Variants in SGTA observed in about 807,000 individuals in gnomAD.
The protein encoded by SGTA is small glutamine-rich tetratricopeptide repeat-containing protein alpha.
In SGTA, 22 loss-of-function variants were observed where a neutral mutation model predicts 44.3. That is an observed-to-expected ratio of 0.50 (90% CI 0.36 to 0.71). The LOEUF (loss-of-function observed/expected upper bound fraction) is 0.71, where lower values mean the gene tolerates loss of function less well. Ranked by LOEUF, SGTA falls within the 30% of genes least tolerant of loss-of-function variation. The pLI is 0.00. For missense variants in SGTA, 341 were observed against 435.9 expected, an observed-to-expected ratio of 0.78 and a Z score of 1.94; for synonymous variants, 174 against 177.6, an observed-to-expected ratio of 0.98 and a Z score of 0.16.
Position 2,757,313 on chromosome 19 carries a change from C to A in SGTA, c.*6+24G>T, listed in dbSNP as rs781558645. On this transcript the variant is annotated intron_variant, in intron 11 of 11. Coordinates refer to ENST00000221566, the MANE Select transcript of SGTA (RefSeq NM_003021.4). ...GGTGTCACTCCTGCTGGCCACCCCC[C>A]AGCCCCCGGCCCCATGCACTCACGC... The A allele has an allele frequency of 5.0e-6, 8 of 1,597,074 alleles. No homozygotes were observed. In the Admixed American group the frequency reaches 6.7e-5, roughly 13 times the overall value.
rs71339135 is a variant in SGTA, at chr19:2,772,957, A to T, written c.-23-3866T>A. ...GGTGACGCGGCCACACGGCAGGGAC[A>T]CCGAGGGCAGAGGTGGGTGACGCAG... On this transcript the variant is annotated intron_variant, in intron 1 of 11. Transcript: ENST00000221566. Among the ~76,000 whole-genome samples, 29 of 49,938 alleles carry T rather than the reference A, an allele frequency of 5.8e-4. 4 individuals carry two copies. The highest frequency in any genetic ancestry group is 3.2e-3 in the African/African-American group (15 of 4,708). The allele number at this position is 49,938 out of a possible 152,430, so 32.8% of individuals were successfully genotyped here.
chr19:2,765,550 C>T lies in SGTA; in HGVS notation c.293-265G>A, dbSNP rs1042920040. Among the ~76,000 whole-genome samples the T allele has an allele frequency of 3.3e-5, 5 of 152,098 alleles. No homozygotes were observed. Among genetic ancestry groups the T allele is most frequent in the African/African-American group, 9.7e-5 (4 of 41,416 alleles). On this transcript the variant is annotated intron_variant, in intron 4 of 11. Coordinates refer to ENST00000221566, the MANE Select transcript of SGTA (RefSeq NM_003021.4). The surrounding 1 kb of genome is among the most constrained non-coding windows in gnomAD (Gnocchi z 5.5). Reference sequence around the variant, plus strand: ...AGGGCCTGGCCTGGCCTGTGCCTGGCGACGGTGGCTGTCACTGCCTGGATG... The same window carrying T: ...AGGGCCTGGCCTGGCCTGTGCCTGGTGACGGTGGCTGTCACTGCCTGGATG...
Position 2,763,276 on chromosome 19 carries a change from G to A in SGTA, c.497+377C>T, listed in dbSNP as rs1006030612. The stretch of plus-strand genomic sequence containing the variant: ...TGCACGGGGCGCAGGCTCCTGCCCC[G>A]GGGACCCTCCTGGCCTCACTCTCGG... On this transcript the variant is annotated intron_variant, in intron 6 of 11. Transcript: ENST00000221566. The surrounding 1 kb of genome is among the most constrained non-coding windows in gnomAD (Gnocchi z 5.8). Among the ~76,000 whole-genome samples, 1 of 152,202 alleles carries A rather than the reference G, an allele frequency of 6.6e-6. No homozygotes were observed. Among genetic ancestry groups the A allele is most frequent in the Non-Finnish European group, 1.5e-5 (1 of 68,026 alleles).
Position 2,757,738 on chromosome 19 carries a change from G to T in SGTA, c.782C>A (p.Pro261His). 2 of 1,604,442 alleles carry T rather than the reference G, an allele frequency of 1.2e-6. No homozygotes were observed. Among genetic ancestry groups the T allele is most frequent in the African/African-American group, 1.3e-5 (1 of 74,912 alleles). Residue 261 changes from proline (P) to histidine (H), a missense_variant, in exon 10 of 12, where the codon CCC (proline) becomes CAC (histidine). Coordinates refer to ENST00000221566, the MANE Select transcript of SGTA (RefSeq NM_003021.4). ...ISGGNNPLGT[P>H]GTSPSQNDLA... ...GTCGTTCTGCGAGGGGCTGGTGCCG[G>T]GAGTTCCCAAGGGGTTGTTGCCACC...
rs773946162 is a variant in SGTA at position 2,767,587 on chromosome 19, G to A, written c.200C>T (p.Thr67Met). Residue 67 changes from threonine to methionine, a missense_variant, in exon 3 of 12, where the codon ACG becomes ATG. Coordinates refer to ENST00000221566, the MANE Select transcript of SGTA (RefSeq NM_003021.4). This position sits in a 1 kb window ranked among gnomAD's most constrained non-coding sequence, Gnocchi z 7.3. ...TLPEIFEAAATGKEMPQDLRS... is the reference protein window; with the variant it reads ...TLPEIFEAAAMGKEMPQDLRS... ...GGAAGCATCGAGGCTCACCTTGCCC[G>A]TGGCAGCCGCTTCAAATATCTCCGG... 99 of 1,612,362 alleles carry A rather than the reference G, an allele frequency of 6.1e-5. No individual in the cohort carries two copies. The highest frequency in any genetic ancestry group is 7.7e-5 in the Non-Finnish European group (91 of 1,179,334).
intron 1 of SGTA, among the ~76,000 whole-genome samples, chr19:2,774,858 G>A (rs1332660339): frequency 1.3e-5 from 2 of 152,122 alleles, no homozygotes; most frequent in Non-Finnish European, 2.9e-5. Context: ...GTGTGCGCGC[G>A]CATGTGTGTG....
At chr19:2,780,176 C>T (rs1004161416) in intron 1 of SGTA, among the ~76,000 whole-genome samples, 3 of 152,134 alleles carry the variant, frequency 2.0e-5, no homozygotes, top group Non-Finnish European at 2.9e-5. Context: ...AGAACATCCT[C>T]GTAAACTGAG....
intron 9 of SGTA, among the ~76,000 whole-genome samples, chr19:2,758,516 CAA>C (rs11400903): frequency 5.9e-5 from 8 of 135,372 alleles, no homozygotes; most frequent in African/African-American, 2.7e-5. Context: ...GATTCTGTCT[CAA>C]AAAAAAAAAA....
chr19:2,776,363 G>A (rs1044110092), intron 1 of SGTA, among the ~76,000 whole-genome samples: 1 of 152,236 alleles, frequency 6.6e-6, no homozygotes, highest in African/African-American at 2.4e-5. Flanking sequence ...GGAACGCTAC[G>A]CAGCCATGAA....
At position 2,762,587 on chromosome 19, in the gene SGTA, A is replaced by T. The variant is rs2302491; in HGVS notation, c.555T>A (p.Ala185=). 13 of 1,613,816 alleles carry T rather than the reference A, an allele frequency of 8.1e-6. No individual in the cohort carries two copies. The highest frequency in any genetic ancestry group is 4.5e-5 in the East Asian group (2 of 44,858). Residue 185 remains alanine (A), a synonymous_variant, in exon 7 of 12, where the codon GCT becomes GCA. Transcript: ENST00000221566. The part of the protein sequence containing the change: ...HVEAVAYYKK[A]LELDPDNETY... Reference sequence around the variant, plus strand: ...TCTCGTTGTCGGGGTCCAGCTCCAGAGCCTTCTTGTAGTAAGCCACGGCCT... The same window carrying T: ...TCTCGTTGTCGGGGTCCAGCTCCAGTGCCTTCTTGTAGTAAGCCACGGCCT...
At position 2,767,039 on chromosome 19, in the gene SGTA, C is replaced by T; in HGVS notation, c.292+97G>A. The T allele has an allele frequency of 1.1e-6, 1 of 890,476 alleles. No individual in the cohort carries two copies. The highest frequency in any genetic ancestry group is 1.8e-6 in the Non-Finnish European group (1 of 544,852). 55.2% of individuals were successfully genotyped at this position (890,476 alleles called of 1,614,324 possible). ...GGTCATCAGGGCAATTCCCTCAGCT[C>T]CCTGGGCCCCAGGGACCAGCTGGCC... On this transcript the variant is annotated intron_variant, in intron 4 of 11. Transcript: ENST00000221566. This position sits in a 1 kb window ranked among gnomAD's most constrained non-coding sequence, Gnocchi z 7.3.
chr19:2,768,937 G>C (rs1353185167), intron 2 of SGTA, 32 bp downstream of exon 2: 6 of 1,523,698 alleles, frequency 3.9e-6, no homozygotes, highest in Non-Finnish European at 5.5e-6. Context: ...CCGCTGCCCG[G>C]GGAGAGGGGG....
Position 2,767,094 on chromosome 19 carries a change from A to G in SGTA, c.292+42T>C. The G allele has an allele frequency of 1.4e-6, 2 of 1,448,906 alleles. No homozygotes were observed. Among genetic ancestry groups the G allele is most frequent in the Non-Finnish European group, 1.9e-6 (2 of 1,042,950 alleles). 89.8% of individuals were successfully genotyped at this position (1,448,906 alleles called of 1,614,324 possible). The stretch of plus-strand genomic sequence containing the variant: ...CGAGGGTCCCACAGCCCCGGAGTCC[A>G]GGTAGGGCGAGGTGTCTGTGGGGAT... On this transcript the variant is annotated intron_variant, in intron 4 of 11. Coordinates refer to ENST00000221566, the MANE Select transcript of SGTA (RefSeq NM_003021.4). This position sits in a 1 kb window ranked among gnomAD's most constrained non-coding sequence, Gnocchi z 7.3.
rs1345300465 is a variant in SGTA, at chr19:2,763,212, C to T, written c.497+441G>A. ...CTCTGAGCAAGGGCATTCAGAGAAG[C>T]AGGCGAATGCACGCTTATGCTGGGA... On this transcript the variant is annotated intron_variant, in intron 6 of 11. Transcript: ENST00000221566. This position sits in a 1 kb window ranked among gnomAD's most constrained non-coding sequence, Gnocchi z 5.8. 1.3e-5 allele frequency among the ~76,000 whole-genome samples: 2 copies of T among 152,198 alleles called. No individual in the cohort carries two copies. The highest frequency in any genetic ancestry group is 2.9e-5 in the Non-Finnish European group (2 of 68,028).
At chr19:2,758,853 C>T (rs1010758164) in intron 9 of SGTA, among the ~76,000 whole-genome samples, 2 of 152,200 alleles carry the variant, frequency 1.3e-5, no homozygotes, top group African/African-American at 2.4e-5. Flanking sequence ...ACCTTGAGGA[C>T]GTCACGCTCA....
chr19:2,767,792 T>G lies in SGTA; in HGVS notation c.101-106A>C. The G allele has an allele frequency of 1.2e-6, 1 of 825,516 alleles. No individual in the cohort carries two copies. The highest frequency in any genetic ancestry group is 2.0e-6 in the Non-Finnish European group (1 of 488,806). 51.1% of individuals were successfully genotyped at this position (825,516 alleles called of 1,614,324 possible). A position where few individuals can be genotyped will look rare whatever the true frequency, so the allele number is the denominator to read the frequency against. On this transcript the variant is annotated intron_variant, in intron 2 of 11. Transcript: ENST00000221566. This position sits in a 1 kb window ranked among gnomAD's most constrained non-coding sequence, Gnocchi z 7.3. ...GCTCATGCTTCCCCAGGTGTGTTCA[T>G]TCCCAAGGACCCCAGAACGCAGGGG...
Position 2,755,956 on chromosome 19 carries a change from G to C in SGTA, c.*7-23C>G. On this transcript the variant is annotated intron_variant, in intron 11 of 11. Coordinates refer to ENST00000221566, the MANE Select transcript of SGTA (RefSeq NM_003021.4). The surrounding 1 kb of genome is among the most constrained non-coding windows in gnomAD (Gnocchi z 5.2). ...CAGCTGGAAGGGGACAGACATGAAG[G>C]CTGTCAGAGCGCAGGTGGGGACCAA... The C allele has an allele frequency of 1.0e-6, 1 of 984,958 alleles. No individual in the cohort carries two copies. Among genetic ancestry groups the C allele is most frequent in the Non-Finnish European group, 1.2e-6 (1 of 829,380 alleles). 61.0% of individuals were successfully genotyped at this position (984,958 alleles called of 1,614,324 possible). A position where few individuals can be genotyped will look rare whatever the true frequency, so the allele number is the denominator to read the frequency against.
intron 1 of SGTA, among the ~76,000 whole-genome samples, chr19:2,775,223 CG>C (rs1183987574): frequency 5.3e-5 from 8 of 152,266 alleles, no homozygotes; most frequent in Admixed American, 5.2e-4. Flanking sequence ...GATCCGCGCC[CG>C]GCAGGCGCCT....
rs764155012 is a variant in SGTA at position 2,765,216 on chromosome 19, T to C, written c.362A>G (p.Asn121Ser). 1 of 1,614,030 alleles carries C rather than the reference T, an allele frequency of 6.2e-7. No individual in the cohort carries two copies. Among genetic ancestry groups the C allele is most frequent in the South Asian group, 1.1e-5 (1 of 91,086 alleles). The change falls in exon 5 of 12, where the codon AAC (asparagine) becomes AGC (serine). Residue 121 changes from asparagine to serine, a missense_variant. Coordinates refer to ENST00000221566, the MANE Select transcript of SGTA (RefSeq NM_003021.4). The surrounding 1 kb of genome is among the most constrained non-coding windows in gnomAD (Gnocchi z 5.5). ...VHFYGKAIEL[N>S]PANAVYFCNR... ...GCAGAAATAGACGGCGTTGGCTGGG[T>C]TGAGCTCGATGGCTTTTCCGTAGAA...
Sources: allele counts gnomAD v4.1 joint callset (sites outside exome capture counted in the v4.1 genomes callset), GRCh38; gene constraint gnomAD v4.1.1; non-coding constraint Gnocchi (gnomAD v3.1); transcripts MANE v1.5; gene names NCBI Gene and HGNC (gene_info 2026-07-23, HGNC 2026-07-21).